The following PLA2R1 variants were observed in gnomAD, a reference collection of about 807,000 sequenced individuals.
PLA2R1 encodes secretory phospholipase A2 receptor.
A neutral mutation model predicts 195.9 loss-of-function variants in PLA2R1; 158 were observed. The observed-to-expected ratio is 0.81, with a 90% CI of 0.71 to 0.92. The LOEUF (loss-of-function observed/expected upper bound fraction) is 0.92, where lower values mean the gene tolerates loss of function less well. Ranked by LOEUF, PLA2R1 falls within the 40% of genes least tolerant of loss-of-function variation. The pLI, the probability that PLA2R1 is intolerant of heterozygous loss-of-function variation, is 0.00. For synonymous variants in PLA2R1, 586 were observed against 598.2 expected, an observed-to-expected ratio of 0.98 and a Z score of 0.30; for missense variants, 1,626 against 1,764.6, an observed-to-expected ratio of 0.92 and a Z score of 1.41.
rs556152393 is a variant in PLA2R1, at chr2:159,964,425, T to G, written c.2904+3114A>C. On this transcript the variant is annotated intron_variant, in intron 20 of 29. Coordinates refer to ENST00000283243, the MANE Select transcript of PLA2R1 (RefSeq NM_007366.5). Reference sequence around the variant, plus strand: ...GGACCATAAAGATGCTTTAAAAAACTAATTGCCAAAGGTTTTAATAAAAGA... The same window carrying G: ...GGACCATAAAGATGCTTTAAAAAACGAATTGCCAAAGGTTTTAATAAAAGA... Among the ~76,000 whole-genome samples, 52 of 152,226 alleles carry G rather than the reference T, an allele frequency of 3.4e-4. 2 individuals are homozygous for G. The highest frequency in any genetic ancestry group is 7.2e-5 in the African/African-American group (3 of 41,462).
At chr2:160,039,257 C>T (rs560456402) in intron 3 of PLA2R1, among the ~76,000 whole-genome samples, 1 of 152,056 alleles carries the variant, frequency 6.6e-6, no homozygotes, top group Non-Finnish European at 1.5e-5. Context: ...AGGTTGGTAT[C>T]GTAAAAATAT....
intron 13 of PLA2R1, among the ~76,000 whole-genome samples, chr2:159,982,350 C>G (rs561027155): frequency 1.3e-5 from 2 of 152,236 alleles, no homozygotes; most frequent in East Asian, 3.9e-4. Context: ...CCAGAAAGCT[C>G]TGTATTAAAA....
rs1687086920 is a variant in PLA2R1 at position 159,941,561 on chromosome 2, C to T, written c.*217G>A. On this transcript the variant is annotated 3_prime_UTR_variant, in exon 30 of 30. Transcript: ENST00000283243. ...TGAAAAATAACCAATGCATAATTTA[C>T]CCCTTTTAAGAATGGATCACAGTTT... 1 of 380,896 alleles carries T rather than the reference C, an allele frequency of 2.6e-6. No homozygotes were observed. Among genetic ancestry groups the T allele is most frequent in the Non-Finnish European group, 4.7e-6 (1 of 212,740 alleles). The allele number at this position is 380,896 out of a possible 1,614,324, so 23.6% of individuals were successfully genotyped here.
chr2:160,051,856 A>G (rs1393334968), intron 1 of PLA2R1, among the ~76,000 whole-genome samples: 1 of 152,202 alleles, frequency 6.6e-6, no homozygotes, highest in Non-Finnish European at 1.5e-5. Flanking sequence ...TCTGCATGGA[A>G]ATGTGCATTT....
the PLA2R1 span, among the ~76,000 whole-genome samples, chr2:159,926,753 GGAT>G: frequency 1.1e-4 from 17 of 152,090 alleles, no homozygotes; most frequent in Non-Finnish European, 2.1e-4. Flanking sequence ...AAGTAACAAG[GGAT>G]GATGAACTAC....
intron 1 of PLA2R1, 130 bp from the exon 2 acceptor site, chr2:160,045,287 T>C (rs773184574): frequency 5.4e-5 from 37 of 689,674 alleles, no homozygotes; most frequent in Admixed American, 8.4e-5. Flanking sequence ...TCTGGAGTTG[T>C]TGGGCAGGGT....
intron 1 of PLA2R1, among the ~76,000 whole-genome samples, chr2:160,048,976 G>T (rs570891154): frequency 6.6e-6 from 1 of 150,478 alleles, no homozygotes; most frequent in African/African-American, 2.4e-5. Flanking sequence ...AAGTAGCTGG[G>T]ACTACAGGCG....
chr2:159,939,604 C>A lies in PLA2R1; in HGVS notation c.*2174G>T, dbSNP rs1484296761. On this transcript the variant is annotated 3_prime_UTR_variant, in exon 30 of 30. Transcript: ENST00000283243. Reference sequence around the variant, plus strand: ...ACTATTTCTGCAAATTCAGTAATGGCAAGAAGTGTGTGATCTGTCCATGGG... The same window carrying A: ...ACTATTTCTGCAAATTCAGTAATGGAAAGAAGTGTGTGATCTGTCCATGGG... 2 of 151,798 alleles carry A rather than the reference C, an allele frequency of 1.3e-5. No homozygotes were observed. The highest frequency in any genetic ancestry group is 2.9e-5 in the Non-Finnish European group (2 of 67,990). The allele number at this position is 151,798 out of a possible 1,614,324, so 9.4% of individuals were successfully genotyped here. A position where few individuals can be genotyped will look rare whatever the true frequency, so the allele number is the denominator to read the frequency against.
intron 26 of PLA2R1, 104 bp from the exon 27 acceptor site, chr2:159,947,021 T>G (rs975886408): frequency 1.3e-6 from 1 of 752,668 alleles, no homozygotes; most frequent in East Asian, 3.0e-5. Context: ...TTTTGAAAAG[T>G]GAAAATTTCC....
In PLA2R1 at chr2:160,022,819, A is replaced by T. The variant is rs1693230516; in HGVS notation, c.1140T>A (p.Pro380=). The change falls in exon 7 of 30, where the codon CCT becomes CCA. Residue 380 remains proline (P), a synonymous_variant. Transcript: ENST00000283243. ...AWKYYATHCE[P]GWNPYNRNCY... is the part of the protein sequence containing the mutation. ...AATTACGATTGTAGGGATTCCAGCC[A>T]GGCTCACAGTGGGTAGCATAATATT... 5.6e-6 allele frequency: 9 copies of T among 1,613,252 alleles called. No homozygotes were observed. The highest frequency in any genetic ancestry group is 7.6e-6 in the Non-Finnish European group (9 of 1,179,534).
At chr2:159,985,520 G>C (rs1235101265) in intron 12 of PLA2R1, among the ~76,000 whole-genome samples, 1 of 152,104 alleles carries the variant, frequency 6.6e-6, no homozygotes, top group Non-Finnish European at 1.5e-5. Context: ...AGGATCTAAA[G>C]CTGATTTTAA....
intron 5 of PLA2R1, 41 bp downstream of exon 5, chr2:160,028,809 A>G: frequency 8.7e-7 from 1 of 1,155,580 alleles, no homozygotes; most frequent in Non-Finnish European, 1.3e-6. Context: ...AGGGTGCAAG[A>G]TGATGCCACG....
intron 3 of PLA2R1, among the ~76,000 whole-genome samples, chr2:160,036,474 A>G (rs1694169421): frequency 6.6e-6 from 1 of 152,122 alleles, no homozygotes; most frequent in South Asian, 2.1e-4. Context: ...AGCTGCCCCT[A>G]CCCCAGACTT....
At chr2:160,016,486 G>GCCCCCCCCCCCCCCCCCCCC in intron 9 of PLA2R1, 128 bp downstream of exon 9, 1 of 553,292 alleles carries the variant, frequency 1.8e-6, no homozygotes, top group Non-Finnish European at 3.3e-6. Flanking sequence ...GGGGTGCGAG[G>GCCCCCCCCCCCCCCCCCCCC]AGAGAGAGAG....
At chr2:159,945,803 G>C (rs1687349473) in intron 27 of PLA2R1, 1 of 980,492 alleles carries the variant, frequency 1.0e-6, no homozygotes, top group Non-Finnish European at 1.2e-6. Context: ...AACATCAAAA[G>C]GTAGGCATTA....
At chr2:159,929,279 C>T (rs183092355), downstream of PLA2R1, among the ~76,000 whole-genome samples, 28 of 152,218 alleles carry the variant, frequency 1.8e-4, no homozygotes, top group African/African-American at 4.3e-4. Context: ...CATCCAGAAT[C>T]GACATGGAAC....
intron 11 of PLA2R1, among the ~76,000 whole-genome samples, chr2:160,001,367 C>A (rs1691582797): frequency 6.6e-6 from 1 of 151,660 alleles, no homozygotes; most frequent in Non-Finnish European, 1.5e-5. Flanking sequence ...GAAAAAGATA[C>A]ATTCAAAAGA....
intron 4 of PLA2R1, among the ~76,000 whole-genome samples, chr2:160,029,603 T>A (rs1693736652): frequency 6.6e-6 from 1 of 152,156 alleles, no homozygotes; most frequent in Non-Finnish European, 1.5e-5. Context: ...CAATACCATT[T>A]TTGTTATAGA....
Position 159,987,294 on chromosome 2 carries a change from G to A in PLA2R1, c.1899C>T (p.His633=), listed in dbSNP as rs1690419266. 6.2e-7 allele frequency: 1 copy of A among 1,612,806 alleles called. No individual in the cohort carries two copies. The highest frequency in any genetic ancestry group is 2.2e-5 in the East Asian group (1 of 44,828). Residue 633 remains histidine, a synonymous_variant, in exon 12 of 30, where the codon CAC becomes CAT. Transcript: ENST00000283243. ...AGGACATTGCCTTAAAGTGCCGACA[G>A]TGCTTCACTTCCCAGCGACCAAGTG... The part of the protein sequence containing the change: ...RHPLGRWEVK[H]CRHFKAMSLC...
Sources: allele counts gnomAD v4.1 joint callset (sites outside exome capture counted in the v4.1 genomes callset), GRCh38; gene constraint gnomAD v4.1.1; transcripts MANE v1.5; gene names NCBI Gene and HGNC (gene_info 2026-07-23, HGNC 2026-07-21).